DRAXIN: variants seen among roughly 807,000 people sequenced by gnomAD.
The protein encoded by DRAXIN is dorsal inhibitory axon guidance protein.
In DRAXIN, 27 loss-of-function variants were observed where a neutral mutation model predicts 33.9. That is an observed-to-expected ratio of 0.80 (90% confidence interval 0.59 to 1.10). DRAXIN has a LOEUF of 1.10. Among genes scored for constraint, DRAXIN ranks in the 50% least tolerant of loss-of-function variants. The pLI is 0.00. For synonymous variants in DRAXIN, 178 were observed against 194.0 expected, an observed-to-expected ratio of 0.92 and a Z score of 0.69; for missense variants, 371 against 460.8, an observed-to-expected ratio of 0.81 and a Z score of 1.78.
At chr1:11,687,518 G>C (rs1640980477), upstream of DRAXIN, among the ~76,000 whole-genome samples, 1 of 152,192 alleles carries the variant, frequency 6.6e-6, no homozygotes. The surrounding 1 kb of genome is among the most constrained non-coding windows in gnomAD (Gnocchi z 4.1). Flanking sequence ...GGGATGACAG[G>C]CATGAGCCAC....
chr1:11,709,372 C>G lies in DRAXIN; in HGVS notation c.549C>G (p.Ser183Arg), dbSNP rs1024019016. 6.2e-7 allele frequency: 1 copy of G among 1,613,916 alleles called. No individual in the cohort carries two copies. Among genetic ancestry groups the G allele is most frequent in the Non-Finnish European group, 8.5e-7 (1 of 1,179,972 alleles). Reference sequence around the variant, plus strand: ...CAGCCATGGAGGAATCCTCCACCAGCCTGGCGCCCACCATGTTCTTTCTCA... The same window carrying G: ...CAGCCATGGAGGAATCCTCCACCAGGCTGGCGCCCACCATGTTCTTTCTCA... ...LDAAMEESSTSLAPTMFFLTT... is the reference protein window; with the variant it reads ...LDAAMEESSTRLAPTMFFLTT... Residue 183 changes from serine (S) to arginine (R), a missense_variant, in exon 3 of 7, where the codon AGC becomes AGG. Transcript: ENST00000294485.
At chr1:11,715,279 G>C in intron 6 of DRAXIN, 71 bp downstream of exon 6, 5 of 1,584,242 alleles carry the variant, frequency 3.2e-6, no homozygotes, top group Non-Finnish European at 3.5e-6. Context: ...TCTCGAAGCG[G>C]CTTCTGCACC....
At position 11,719,577 on chromosome 1, in the gene DRAXIN, C is replaced by G. The variant is rs200614485; in HGVS notation, c.938-7C>G. The G allele has an allele frequency of 5.0e-6, 8 of 1,606,786 alleles. No homozygotes were observed. In the African/African-American group the frequency reaches 8.0e-5, roughly 16 times the overall value. ...GCCTCTGACCCCCCTTGCCTCCACTCGCCCAGGGCTGCGCTGCTATGCCAA... is the reference window on the plus strand; with the variant it reads ...GCCTCTGACCCCCCTTGCCTCCACTGGCCCAGGGCTGCGCTGCTATGCCAA... On this transcript the variant is annotated splice_polypyrimidine_tract_variant and splice_region_variant and intron_variant, in intron 6 of 6. Transcript: ENST00000294485.
intron 2 of DRAXIN, among the ~76,000 whole-genome samples, chr1:11,708,333 T>G (rs1641423252): frequency 6.6e-6 from 1 of 152,184 alleles, no homozygotes; most frequent in South Asian, 2.1e-4. Context: ...CAGGCCAGGC[T>G]GGGCGTGGTG....
At chr1:11,695,465 A>C (rs559737920) in intron 1 of DRAXIN, among the ~76,000 whole-genome samples, 1 of 152,114 alleles carries the variant, frequency 6.6e-6, no homozygotes, top group Admixed American at 6.6e-5. Flanking sequence ...GCACGCCTAT[A>C]ATCCCAGCTA....
chr1:11,712,893 A>G (rs1641518220), intron 5 of DRAXIN, among the ~76,000 whole-genome samples: 1 of 148,134 alleles, frequency 6.8e-6, no homozygotes, highest in African/African-American at 2.5e-5. Context: ...ACAAGAGGGA[A>G]ACTCCATCTC....
intron 1 of DRAXIN, among the ~76,000 whole-genome samples, chr1:11,697,959 CA>C (rs995033026): frequency 2.1e-4 from 32 of 152,156 alleles, no homozygotes; most frequent in African/African-American, 7.7e-4. Context: ...ACCAGTATGC[CA>C]GTGAACACCC....
chr1:11,710,207 G>T (rs1010962142), intron 3 of DRAXIN, among the ~76,000 whole-genome samples: 2 of 146,092 alleles, frequency 1.4e-5, no homozygotes, highest in African/African-American at 5.1e-5. Flanking sequence ...AAAAAGAAAT[G>T]TGGGGCGGGC....
intron 2 of DRAXIN, among the ~76,000 whole-genome samples, chr1:11,707,436 G>A (rs561191789): frequency 6.6e-6 from 1 of 152,326 alleles, no homozygotes; most frequent in Non-Finnish European, 1.5e-5. Context: ...CTAGGGTGTG[G>A]CCCTGGGCAA....
rs1641689308 is a variant in DRAXIN at position 11,723,783 on chromosome 1, G to C, written c.*4087G>C. Reference sequence around the variant, plus strand: ...ACTGTTTGTATTTTTAGTAGAGATGGGGTTTCACCATGTTGGCCAGGCTGG... The same window carrying C: ...ACTGTTTGTATTTTTAGTAGAGATGCGGTTTCACCATGTTGGCCAGGCTGG... On this transcript the variant is annotated 3_prime_UTR_variant, in exon 7 of 7. Transcript: ENST00000294485. 6.6e-6 allele frequency: 1 copy of C among 151,738 alleles called. No homozygotes were observed. The highest frequency in any genetic ancestry group is 2.1e-4 in the South Asian group (1 of 4,794). The allele number at this position is 151,738 out of a possible 1,614,324, so 9.4% of individuals were successfully genotyped here.
intron 2 of DRAXIN, among the ~76,000 whole-genome samples, chr1:11,707,098 G>A (rs1029780383): frequency 6.6e-6 from 1 of 152,210 alleles, no homozygotes; most frequent in Non-Finnish European, 1.5e-5. Context: ...CTACTTGGAA[G>A]GCTGAGGCAG....
intron 2 of DRAXIN, among the ~76,000 whole-genome samples, chr1:11,708,077 G>A (rs564955730): frequency 1.3e-5 from 2 of 152,160 alleles, no homozygotes; most frequent in Non-Finnish European, 2.9e-5. Flanking sequence ...AGGGTCCCCC[G>A]GCTTCGACTT....
At chr1:11,713,571 C>G (rs1641530777) in intron 5 of DRAXIN, among the ~76,000 whole-genome samples, 1 of 152,104 alleles carries the variant, frequency 6.6e-6, no homozygotes, top group Admixed American at 6.5e-5. Flanking sequence ...GTCGGACCTT[C>G]CAGGAAGCAG....
Position 11,711,861 on chromosome 1 carries a change from C to T in DRAXIN, c.653C>T (p.Pro218Leu), listed in dbSNP as rs753233049. The change falls in exon 4 of 7, where the codon CCC (proline) becomes CTC (leucine). Residue 218 changes from proline (P) to leucine (L), a missense_variant. By Grantham distance (98) the Pro-to-Leu change is moderately conservative. Transcript: ENST00000294485. ...CTCCACGGTCTCCAGCAGGCACAGC[C>T]CAGGTCTGACGGGGAGGTGATGCCC... ...VTSLRPQQAQ[P>L]RSDGEVMPTL... 1.9e-6 allele frequency: 3 copies of T among 1,613,144 alleles called. No individual in the cohort carries two copies. The East Asian group carries it at 6.7e-5, about 36-fold the overall frequency.
chr1:11,697,999 G>C (rs1228143565), intron 1 of DRAXIN, among the ~76,000 whole-genome samples: 1 of 151,742 alleles, frequency 6.6e-6, no homozygotes, highest in African/African-American at 2.4e-5. Context: ...AATCCCACCC[G>C]CCCCATCCTC....
At chr1:11,714,700 C>T (rs1171919249) in intron 5 of DRAXIN, among the ~76,000 whole-genome samples, 1 of 152,268 alleles carries the variant, frequency 6.6e-6, no homozygotes, top group Non-Finnish European at 1.5e-5. Flanking sequence ...TGGACAGTCG[C>T]TCTGGGAGCC....
At chr1:11,719,483 T>C in intron 6 of DRAXIN, 101 bp from the exon 7 acceptor site, 2 of 1,025,274 alleles carry the variant, frequency 2.0e-6, no homozygotes, top group Non-Finnish European at 2.9e-6. Flanking sequence ...GGCAGAATAA[T>C]GAAGGCAGGA....
At chr1:11,707,310 G>A (rs1641399539) in intron 2 of DRAXIN, among the ~76,000 whole-genome samples, 1 of 152,190 alleles carries the variant, frequency 6.6e-6, no homozygotes. Context: ...GAGTAGAAAT[G>A]GAACAGTTCA....
At position 11,715,142 on chromosome 1, in the gene DRAXIN, C is replaced by A. The variant is rs140295617; in HGVS notation, c.871C>A (p.His291Asn). 5 of 1,614,152 alleles carry A rather than the reference C, an allele frequency of 3.1e-6. No individual in the cohort carries two copies. Among genetic ancestry groups the A allele is most frequent in the Non-Finnish European group, 4.2e-6 (5 of 1,180,062 alleles). The change falls in exon 6 of 7, where the codon CAT (histidine) becomes AAT (asparagine). Residue 291 changes from histidine to asparagine, a missense_variant. His to Asn is a moderately conservative substitution (Grantham distance 68, BLOSUM62 1). Transcript: ENST00000294485. ...LPGTCCDLREHLCTPHNRGLN... is the reference protein window; with the variant it reads ...LPGTCCDLRENLCTPHNRGLN... ...AGGGACTTGCTGCGACCTGCGGGAG[C>A]ATCTCTGCACACCCCACAACCGAGG...
Sources: gnomAD v4.1 joint callset for allele counts (sites outside exome capture counted in the v4.1 genomes callset) on GRCh38, gnomAD v4.1.1 for gene constraint, Gnocchi (gnomAD v3.1) non-coding constraint, MANE v1.5 for transcripts, NCBI Gene and HGNC (gene_info 2026-07-23, HGNC 2026-07-21) for gene names.